The following ADAM12 variants were observed in gnomAD, a reference collection of about 807,000 sequenced individuals.
ADAM12 encodes disintegrin and metalloproteinase domain-containing protein 12.
Under a neutral mutation model 106.4 loss-of-function variants are expected in ADAM12, and 70 were observed. That is an observed-to-expected ratio of 0.66 (90% CI 0.54 to 0.80). The LOEUF is 0.80. ADAM12 is among the 30% of genes least tolerant of loss of function. ADAM12 has a pLI of 0.00. For missense variants in ADAM12, 1,010 were observed against 1,171.9 expected (o/e 0.86, Z 2.02); for synonymous variants, 420 against 433.5 (o/e 0.97, Z 0.39).
At chr10:126,374,580 T>G (rs1312759640) in intron 1 of ADAM12, among the ~76,000 whole-genome samples, 2 of 152,116 alleles carry the variant, frequency 1.3e-5, no homozygotes, top group Non-Finnish European at 2.9e-5. Flanking sequence ...GTGAAGTCAA[T>G]AGACAGTTTA....
chr10:126,124,750 T>C (rs1956171754), intron 5 of ADAM12, among the ~76,000 whole-genome samples: 1 of 151,646 alleles, frequency 6.6e-6, no homozygotes, highest in South Asian at 2.1e-4. Context: ...AAAATTAGCA[T>C]GTGTGATAGT....
intron 16 of ADAM12, among the ~76,000 whole-genome samples, chr10:126,047,911 G>A (rs1011900754): frequency 2.6e-5 from 4 of 152,198 alleles, no homozygotes; most frequent in Non-Finnish European, 5.9e-5. Context: ...ATCAATGATA[G>A]ACTGGATAAA....
chr10:126,322,069 C>A (rs1023798982), intron 2 of ADAM12, among the ~76,000 whole-genome samples: 4 of 152,202 alleles, frequency 2.6e-5, no homozygotes, highest in Non-Finnish European at 5.9e-5. Flanking sequence ...AGCCTGCAAG[C>A]TAAGACTCAT....
intron 8 of ADAM12, among the ~76,000 whole-genome samples, chr10:126,106,483 CTTCT>C (rs1307110746): frequency 2.1e-5 from 3 of 142,458 alleles, no homozygotes; most frequent in Non-Finnish European, 4.5e-5. Flanking sequence ...TTTTCTTCTT[CTTCT>C]TTTTTTTTTT....
At chr10:126,246,204 C>G (rs1272259651) in intron 3 of ADAM12, among the ~76,000 whole-genome samples, 1 of 152,124 alleles carries the variant, frequency 6.6e-6, no homozygotes, top group Admixed American at 6.5e-5. Flanking sequence ...AAAAAGATAA[C>G]CCTCTTTCTC....
intron 2 of ADAM12, among the ~76,000 whole-genome samples, chr10:126,301,289 T>C (rs1372915352): frequency 6.6e-6 from 1 of 152,240 alleles, no homozygotes; most frequent in African/African-American, 2.4e-5. Flanking sequence ...CACACTGGCT[T>C]ACACAGCTCC....
intron 3 of ADAM12, among the ~76,000 whole-genome samples, chr10:126,261,250 A>G (rs1479168279): frequency 1.3e-5 from 2 of 152,194 alleles, no homozygotes; most frequent in Non-Finnish European, 2.9e-5. Context: ...TGGTATGTTT[A>G]AAAATTCTAT....
chr10:126,022,604 G>A (rs564377889), intron 21 of ADAM12, among the ~76,000 whole-genome samples: 1 of 152,344 alleles, frequency 6.6e-6, no homozygotes, highest in African/African-American at 2.4e-5. Flanking sequence ...GGATGAAATT[G>A]CCATGCTGTC....
chr10:126,033,001 T>C (rs919809882), intron 21 of ADAM12, among the ~76,000 whole-genome samples: 2 of 152,150 alleles, frequency 1.3e-5, no homozygotes, highest in Non-Finnish European at 2.9e-5. Context: ...TAAAATTACA[T>C]TAAAATATTT....
At chr10:126,075,681 C>A (rs562567493) in intron 11 of ADAM12, among the ~76,000 whole-genome samples, 1 of 152,162 alleles carries the variant, frequency 6.6e-6, no homozygotes, top group African/African-American at 2.4e-5. Flanking sequence ...GAGTGCACCT[C>A]GGGAAAGAGC....
chr10:126,082,365 T>TTTTG (rs1955238976), intron 11 of ADAM12, among the ~76,000 whole-genome samples: 2 of 133,534 alleles, frequency 1.5e-5, no homozygotes, highest in African/African-American at 2.8e-5. Context: ...TAATGACTGT[T>TTTTG]TTTTTTTTTT....
chr10:126,309,147 A>C (rs956167560), intron 2 of ADAM12, among the ~76,000 whole-genome samples: 1 of 152,160 alleles, frequency 6.6e-6, no homozygotes, highest in African/African-American at 2.4e-5. Flanking sequence ...ACACCTTTTG[A>C]CTACATTGAT....
intron 3 of ADAM12, among the ~76,000 whole-genome samples, chr10:126,214,569 C>A (rs758741856): frequency 1.3e-5 from 2 of 152,138 alleles, no homozygotes; most frequent in African/African-American, 2.4e-5. Context: ...AAAGAAGATT[C>A]TGGAGGGTGT....
chr10:126,292,617 T>A (rs957854930), intron 2 of ADAM12, among the ~76,000 whole-genome samples: 5 of 152,190 alleles, frequency 3.3e-5, no homozygotes, highest in African/African-American at 1.2e-4. Context: ...TAGAGCAGGG[T>A]TGATGCACAT....
chr10:126,281,449 C>A (rs1192044633), intron 2 of ADAM12, among the ~76,000 whole-genome samples: 1 of 152,130 alleles, frequency 6.6e-6, no homozygotes, highest in African/African-American at 2.4e-5. Context: ...TAAGCATTAA[C>A]ATTTGTAGTA....
At chr10:126,288,184 A>C (rs1959967080) in intron 2 of ADAM12, among the ~76,000 whole-genome samples, 1 of 152,108 alleles carries the variant, frequency 6.6e-6, no homozygotes, top group South Asian at 2.1e-4. Context: ...GTGGGACACA[A>C]GTGGCTGTAC....
In ADAM12 at chr10:126,117,474, A is replaced by G. The variant is rs1956004565; in HGVS notation, c.603+564T>C. Among the ~76,000 whole-genome samples the G allele has an allele frequency of 2.0e-5, 3 of 152,200 alleles. No homozygotes were observed. The South Asian group carries it at 6.2e-4, about 32-fold the overall frequency. On this transcript the variant is annotated intron_variant, in intron 6 of 22. Coordinates refer to ENST00000448723, the MANE Select transcript of ADAM12 (RefSeq NM_001288973.2). The stretch of plus-strand genomic sequence containing the variant: ...CAAGCATTTGCAGCTTGGACTGTGG[A>G]TAAGCAAGATTCCTGAGCCACATCA...
rs998049539 is a variant in ADAM12, at chr10:126,278,691, A to G, written c.260+224T>C. Among the ~76,000 whole-genome samples, 7 of 152,206 alleles carry G rather than the reference A, an allele frequency of 4.6e-5. No homozygotes were observed. The East Asian group carries it at 1.3e-3, about 29-fold the overall frequency. ...GAAAAAATAAAACATCAGAACTATG[A>G]AAAAATAGTGTTGAGTTATAAAGTT... is the stretch of plus-strand genomic sequence containing the variant. On this transcript the variant is annotated intron_variant, in intron 3 of 22. Coordinates refer to ENST00000448723, the MANE Select transcript of ADAM12 (RefSeq NM_001288973.2).
chr10:126,114,128 C>T (rs765727086), intron 6 of ADAM12, among the ~76,000 whole-genome samples: 7 of 152,056 alleles, frequency 4.6e-5, no homozygotes, highest in East Asian at 3.9e-4. Context: ...CATCCTTGAC[C>T]GTGACTGGCA....
Sources: gnomAD v4.1 joint callset for allele counts (sites outside exome capture counted in the v4.1 genomes callset) on GRCh38, gnomAD v4.1.1 for gene constraint, MANE v1.5 for transcripts, NCBI Gene and HGNC (gene_info 2026-07-23, HGNC 2026-07-21) for gene names.